TMBIM1: variants seen among roughly 807,000 people sequenced by gnomAD.
TMBIM1 encodes the protein protein lifeguard 3.
In TMBIM1, 34 loss-of-function variants were observed where a neutral mutation model predicts 45.1. The ratio of observed to expected loss-of-function variants is 0.75; its 90% CI spans 0.57 to 1.00. TMBIM1 has a LOEUF of 1.00. Among genes scored for constraint, TMBIM1 ranks in the 50% least tolerant of loss-of-function variants. The pLI is 0.00. For missense variants in TMBIM1, 374 were observed against 402.4 expected (o/e 0.93, Z 0.60); for synonymous variants, 157 against 153.5 (o/e 1.02, Z -0.17).
chr2:218,282,061 C>T lies in TMBIM1; in HGVS notation c.81G>A (p.Gly27=), dbSNP rs1167264694. The T allele has an allele frequency of 1.3e-6, 2 of 1,598,326 alleles. No homozygotes were observed. The highest frequency in any genetic ancestry group is 2.1e-4 in the Middle Eastern group (1 of 4,790). Reference sequence around the variant, plus strand: ...ACCCTCCTGGCAGGACAGATGGCTGCCCATAGCCCCCAGGGGGCGGAGGGC... The same window carrying T: ...ACCCTCCTGGCAGGACAGATGGCTGTCCATAGCCCCCAGGGGGCGGAGGGC... The part of the protein sequence containing the change: ...YPGPPPPGGY[G]QPSVLPGGYP... The change falls in exon 2 of 12, where the codon GGG becomes GGA. Residue 27 remains glycine (G), a synonymous_variant. Transcript: ENST00000258412.
intron 10 of TMBIM1, 24 bp downstream of exon 10, chr2:218,276,980 C>G: frequency 1.3e-6 from 2 of 1,591,746 alleles, no homozygotes; most frequent in Non-Finnish European, 8.6e-7. Context: ...GGTTCCCTGA[C>G]CCCAGCTCTC....
chr2:218,282,304 T>G, intron 1 of TMBIM1, 123 bp from the exon 2 acceptor site: 1 of 568,728 alleles, frequency 1.8e-6, no homozygotes. Flanking sequence ...ATTTTCTCCT[T>G]AGAGGGCAGC....
At chr2:218,280,327 GA>G in intron 2 of TMBIM1, 1 of 536,426 alleles carries the variant, frequency 1.9e-6, no homozygotes, top group Non-Finnish European at 3.4e-6. Context: ...GCTTAGGTGG[GA>G]AACGTTCCTC....
chr2:218,275,587 T>G lies in TMBIM1; in HGVS notation c.824A>C (p.Asn275Thr). The G allele has an allele frequency of 6.2e-7, 1 of 1,613,832 alleles. No individual in the cohort carries two copies. The highest frequency in any genetic ancestry group is 2.2e-5 in the East Asian group (1 of 44,882). ...CTCGGGGCTGATGGTGTGCTTCCGG[T>G]TCCCCAGGACCAGCTGTGTGTCGTA... The part of the protein sequence containing the change: ...LAYDTQLVLG[N>T]RKHTISPEDY... The change falls in exon 12 of 12, where the codon AAC (asparagine) becomes ACC (threonine). Residue 275 changes from asparagine to threonine, a missense_variant. Physicochemically the swap from Asn to Thr is moderately conservative, Grantham distance 65. Transcript: ENST00000258412.
chr2:218,275,103 C>T lies in TMBIM1; in HGVS notation c.*372G>A, dbSNP rs60211154. On this transcript the variant is annotated 3_prime_UTR_variant, in exon 12 of 12. Transcript: ENST00000258412. ...TGTGACAGAGGTGGGAGGGGAACCT[C>T]GTGACCTTGAAGTCACTTCTACCTT... The T allele has an allele frequency of 0.011, 1,871 of 163,990 alleles. 41 individuals carry two copies. The highest frequency in any genetic ancestry group is 0.042 in the African/African-American group (1,752 of 42,044). The allele number at this position is 163,990 out of a possible 1,614,324, so 10.2% of individuals were successfully genotyped here. A position where few individuals can be genotyped will look rare whatever the true frequency, so the allele number is the denominator to read the frequency against.
chr2:218,281,313 T>C (rs1404373922), intron 2 of TMBIM1, among the ~76,000 whole-genome samples: 1 of 151,846 alleles, frequency 6.6e-6, no homozygotes, highest in Non-Finnish European at 1.5e-5. Context: ...GTTTTTGTAT[T>C]TTTAGTGGAG....
intron 2 of TMBIM1, 149 bp from the exon 3 acceptor site, chr2:218,280,275 A>G: frequency 4.7e-6 from 3 of 636,972 alleles, no homozygotes; most frequent in South Asian, 1.8e-5. Flanking sequence ...GGGGTCTTCT[A>G]GACACCCTCA....
rs137970592 is a variant in TMBIM1 at position 218,278,409 on chromosome 2, G to C, written c.473+106C>G. 1,234 of 1,182,774 alleles carry C rather than the reference G, an allele frequency of 1.0e-3. 6 individuals are homozygous for C. The East Asian group carries it at 0.011, about 11-fold the overall frequency. The allele number at this position is 1,182,774 out of a possible 1,614,324, so 73.3% of individuals were successfully genotyped here. A position where few individuals can be genotyped will look rare whatever the true frequency, so the allele number is the denominator to read the frequency against. On this transcript the variant is annotated intron_variant, in intron 6 of 11. Transcript: ENST00000258412. ...ATCGTCATCCTCCTCCTCATTTCTT[G>C]TAAGTTTCCATTCAGCTGCTATAAA...
At chr2:218,289,494 T>A (rs928688013) in intron 1 of TMBIM1, among the ~76,000 whole-genome samples, 4 of 151,768 alleles carry the variant, frequency 2.6e-5, no homozygotes, top group South Asian at 4.2e-4. Flanking sequence ...ATACAAAAAT[T>A]AGCCGGGCAT....
intron 9 of TMBIM1, 56 bp from the exon 10 acceptor site, chr2:218,277,155 C>A: frequency 6.7e-7 from 1 of 1,495,460 alleles, no homozygotes; most frequent in South Asian, 1.1e-5. Context: ...CCAGCCCAGT[C>A]AGACTGGCCC....
intron 1 of TMBIM1, among the ~76,000 whole-genome samples, chr2:218,283,047 T>C (rs961831954): frequency 3.9e-5 from 6 of 152,182 alleles, no homozygotes; most frequent in African/African-American, 1.4e-4. Flanking sequence ...CCAGGCTCTC[T>C]GTGAGTTCTA....
chr2:218,290,267 T>A (rs915971888), intron 1 of TMBIM1, among the ~76,000 whole-genome samples: 1 of 152,224 alleles, frequency 6.6e-6, no homozygotes, highest in African/African-American at 2.4e-5. Flanking sequence ...CCTGTTCAGC[T>A]TTGTTTAACC....
At chr2:218,281,122 G>GTATTTTGTTTTTTT (rs1691901495) in intron 2 of TMBIM1, 1 of 11,040 alleles carries the variant, frequency 9.1e-5, no homozygotes, top group Non-Finnish European at 2.8e-4. Flanking sequence ...GTTTTGTTTT[G>GTATTTTGTTTTTTT]TTTTTTGTTT....
chr2:218,276,933 G>A lies in TMBIM1; in HGVS notation c.735+71C>T, dbSNP rs1345435820. 58 of 1,352,326 alleles carry A rather than the reference G, an allele frequency of 4.3e-5. 2 individuals are homozygous for A. In the South Asian group the frequency reaches 5.4e-4, roughly 13 times the overall value. 83.8% of individuals were successfully genotyped at this position (1,352,326 alleles called of 1,614,324 possible). A position where few individuals can be genotyped will look rare whatever the true frequency, so the allele number is the denominator to read the frequency against. On this transcript the variant is annotated intron_variant, in intron 10 of 11. Transcript: ENST00000258412. ...TGCCCCGGGGACCTTTGGGGCCTGC[G>A]AGACCATGCTATATAGGAAGTCTGC...
intron 1 of TMBIM1, among the ~76,000 whole-genome samples, chr2:218,291,446 A>G (rs990823126): frequency 3.3e-5 from 5 of 152,162 alleles, no homozygotes; most frequent in Non-Finnish European, 4.4e-5. Context: ...CACTAATGAG[A>G]TGAATATTTC....
chr2:218,281,916 T>G, intron 2 of TMBIM1, 24 bp downstream of exon 2: 1 of 1,560,582 alleles, frequency 6.4e-7, no homozygotes, highest in Non-Finnish European at 8.7e-7. Context: ...CCACCCACCT[T>G]CCATCTGCCC....
chr2:218,279,736 G>A (rs547349186), intron 3 of TMBIM1, among the ~76,000 whole-genome samples: 1 of 152,328 alleles, frequency 6.6e-6, no homozygotes, highest in East Asian at 1.9e-4. Flanking sequence ...ATAGTCTAAA[G>A]GGAGAAAGAT....
intron 1 of TMBIM1, among the ~76,000 whole-genome samples, chr2:218,287,047 C>T (rs1307898833): frequency 2.0e-5 from 3 of 152,060 alleles, no homozygotes; most frequent in Non-Finnish European, 4.4e-5. Context: ...AAAGATACAC[C>T]CAGGAGTGTC....
Position 218,278,910 on chromosome 2 carries a change from G to GA in TMBIM1, c.422+127dup, listed in dbSNP as rs201637882. 2.0e-3 allele frequency: 2,118 copies of GA among 1,079,944 alleles called. 21 individuals are homozygous for GA. The African/African-American group carries it at 0.025, about 13-fold the overall frequency. 66.9% of individuals were successfully genotyped at this position (1,079,944 alleles called of 1,614,324 possible). On this transcript the variant is annotated intron_variant, in intron 5 of 11. Transcript: ENST00000258412. ...CGCACACCCACACCCTCTGGCACGG[G>GA]AAACTGGCACCAACTTGGGGGCCCT...
Sources: gnomAD v4.1 joint callset for allele counts (sites outside exome capture counted in the v4.1 genomes callset) on GRCh38, gnomAD v4.1.1 for gene constraint, MANE v1.5 for transcripts, NCBI Gene and HGNC (gene_info 2026-07-23, HGNC 2026-07-21) for gene names.